The following NOVA1 variants were observed in gnomAD, a reference collection of about 807,000 sequenced individuals.
NOVA1 encodes the protein RNA-binding protein Nova-1.
Under a neutral mutation model 38.0 loss-of-function variants are expected in NOVA1, and 7 were observed. That is an observed-to-expected ratio of 0.18 (90% CI 0.10 to 0.35). The LOEUF (loss-of-function observed/expected upper bound fraction) is 0.35. Among genes scored for constraint, NOVA1 ranks in the 10% least tolerant of loss-of-function variants. The pLI is 1.00. For synonymous variants in NOVA1, 270 were observed against 232.5 expected (o/e 1.16, Z -1.47); for missense variants, 460 against 616.0 (o/e 0.75, Z 2.68).
chr14:26,465,043 CAAAAT>C (rs1273540766), intron 4 of NOVA1, among the ~76,000 whole-genome samples: 7 of 152,008 alleles, frequency 4.6e-5, no homozygotes. Flanking sequence ...ATAGACATAA[CAAAAT>C]AAATAAGTTC....
intron 4 of NOVA1, among the ~76,000 whole-genome samples, chr14:26,463,860 T>A (rs1020804755): frequency 6.6e-6 from 1 of 152,296 alleles, no homozygotes; most frequent in East Asian, 1.9e-4. Flanking sequence ...CCAGCACCAT[T>A]CATAAAATAA....
chr14:26,596,827 T>C, intron 1 of NOVA1: 1 of 1,125,556 alleles, frequency 8.9e-7, no homozygotes, highest in Non-Finnish European at 1.1e-6. Flanking sequence ...AGCAAGAGGA[T>C]GGAGAGAGGA....
At chr14:26,578,796 A>G (rs1893023326) in intron 2 of NOVA1, among the ~76,000 whole-genome samples, 1 of 152,094 alleles carries the variant, frequency 6.6e-6, no homozygotes, top group Non-Finnish European at 1.5e-5. Context: ...ACCACACCCT[A>G]ATATTAATAA....
chr14:26,498,717 C>T (rs1268852211), intron 2 of NOVA1, among the ~76,000 whole-genome samples: 2 of 152,070 alleles, frequency 1.3e-5, no homozygotes, highest in Non-Finnish European at 2.9e-5. Flanking sequence ...CACAAAGAGA[C>T]TTATTTCTGA....
chr14:26,470,711 T>A (rs1298547900), intron 4 of NOVA1, among the ~76,000 whole-genome samples: 2 of 152,084 alleles, frequency 1.3e-5, no homozygotes, highest in Non-Finnish European at 2.9e-5. Flanking sequence ...ATTCACAAGT[T>A]CATATAAGAA....
intron 4 of NOVA1, among the ~76,000 whole-genome samples, chr14:26,466,200 G>T (rs548059177): frequency 6.6e-6 from 1 of 152,310 alleles, no homozygotes; most frequent in African/African-American, 2.4e-5. Flanking sequence ...GCCAACATGA[G>T]TGAGGAGGCC....
chr14:26,469,214 C>T (rs1010449654), intron 4 of NOVA1, among the ~76,000 whole-genome samples: 1 of 152,084 alleles, frequency 6.6e-6, no homozygotes, highest in African/African-American at 2.4e-5. Flanking sequence ...GTTCTTATAA[C>T]GTTTCTTCTT....
intron 2 of NOVA1, among the ~76,000 whole-genome samples, chr14:26,549,079 C>T (rs1891004953): frequency 1.3e-5 from 2 of 152,180 alleles, no homozygotes; most frequent in South Asian, 4.1e-4. Context: ...ATCGCTTAAG[C>T]CCAAGAGGTT....
chr14:26,579,341 C>T (rs1299207711), intron 2 of NOVA1, among the ~76,000 whole-genome samples: 2 of 152,110 alleles, frequency 1.3e-5, no homozygotes, highest in African/African-American at 4.8e-5. Flanking sequence ...AGGCATGAGC[C>T]ATGGTGCCCA....
At chr14:26,510,490 A>C (rs1887985152) in intron 2 of NOVA1, among the ~76,000 whole-genome samples, 2 of 152,242 alleles carry the variant, frequency 1.3e-5, no homozygotes, top group Non-Finnish European at 2.9e-5. Flanking sequence ...GAAACTTAAA[A>C]GTTGCAAAGG....
intron 4 of NOVA1, among the ~76,000 whole-genome samples, chr14:26,451,171 C>CTA (rs1353554445): frequency 8.5e-5 from 13 of 152,048 alleles, no homozygotes; most frequent in Non-Finnish European, 4.4e-5. Context: ...TTAATTTCTA[C>CTA]TATATGGCAC....
At chr14:26,526,461 T>G (rs1889306482) in intron 2 of NOVA1, among the ~76,000 whole-genome samples, 1 of 152,176 alleles carries the variant, frequency 6.6e-6, no homozygotes, top group Non-Finnish European at 1.5e-5. Flanking sequence ...TCTTTTTAGA[T>G]GGAGAGATCT....
At chr14:26,521,537 T>C (rs1594457022) in intron 2 of NOVA1, among the ~76,000 whole-genome samples, 1 of 152,248 alleles carries the variant, frequency 6.6e-6, no homozygotes, top group African/African-American at 2.4e-5. Context: ...GCTTTTCCTT[T>C]TATAACAGAT....
chr14:26,595,443 T>C lies in NOVA1; in HGVS notation c.247A>G (p.Ile83Val), dbSNP rs1894128192. Residue 83 changes from isoleucine to valine, a missense_variant, in exon 2 of 5, where the codon ATC (isoleucine) becomes GTC (valine). Physicochemically the swap from Ile to Val is conservative, Grantham distance 29. Coordinates refer to ENST00000539517, the MANE Select transcript of NOVA1 (RefSeq NM_002515.3). ...AAATCTTTGGACTTAGACAGCTTGATGGTGGCTCCAGTTTCTTTTTGCAAC... is the reference window on the plus strand; with the variant it reads ...AAATCTTTGGACTTAGACAGCTTGACGGTGGCTCCAGTTTCTTTTTGCAAC... ...VQLQKETGAT[I>V]KLSKSKDFYP... The C allele has an allele frequency of 6.2e-7, 1 of 1,614,014 alleles. No individual in the cohort carries two copies. The highest frequency in any genetic ancestry group is 8.5e-7 in the Non-Finnish European group (1 of 1,179,916).
chr14:26,460,842 A>C (rs1365030418), intron 4 of NOVA1, among the ~76,000 whole-genome samples: 1 of 152,206 alleles, frequency 6.6e-6, no homozygotes, highest in African/African-American at 2.4e-5. Context: ...AAAATGTTTA[A>C]AATAAACTTG....
rs201355114 is a variant in NOVA1 at position 26,489,917 on chromosome 14, T to C, written c.281-9774A>G. Among the ~76,000 whole-genome samples, 15 of 152,280 alleles carry C rather than the reference T, an allele frequency of 9.9e-5. No individual in the cohort carries two copies. In the East Asian group the frequency reaches 2.7e-3, roughly 27 times the overall value. On this transcript the variant is annotated intron_variant, in intron 2 of 4. Coordinates refer to ENST00000539517, the MANE Select transcript of NOVA1 (RefSeq NM_002515.3). ...TCTTTAGGTGTACAATTCAGTGGTATTAATTAAATTCAAATGTTGTACATA... is the reference window on the plus strand; with the variant it reads ...TCTTTAGGTGTACAATTCAGTGGTACTAATTAAATTCAAATGTTGTACATA...
rs542791428 is a variant in NOVA1, at chr14:26,514,891, C to A, written c.281-34748G>T. Among the ~76,000 whole-genome samples, 3 of 151,918 alleles carry A rather than the reference C, an allele frequency of 2.0e-5. No individual in the cohort carries two copies. The East Asian group carries it at 5.8e-4, about 29-fold the overall frequency. ...TATTTGTCCTTACCTTCAAAGTAAA[C>A]CCACATCCCAATAGTATATTTCTTT... is the stretch of plus-strand genomic sequence containing the variant. On this transcript the variant is annotated intron_variant, in intron 2 of 4. Coordinates refer to ENST00000539517, the MANE Select transcript of NOVA1 (RefSeq NM_002515.3).
At chr14:26,547,402 T>G (rs2138625564) in intron 2 of NOVA1, among the ~76,000 whole-genome samples, 1 of 152,274 alleles carries the variant, frequency 6.6e-6, no homozygotes, top group South Asian at 2.1e-4. Context: ...TTCATTAAAT[T>G]CAATAATACA....
chr14:26,467,025 C>T (rs969680575), intron 4 of NOVA1, among the ~76,000 whole-genome samples: 1 of 152,140 alleles, frequency 6.6e-6, no homozygotes, highest in African/African-American at 2.4e-5. Context: ...GATAACAGTA[C>T]ATTTGTCCCA....
Sources: gnomAD v4.1 joint callset for allele counts (sites outside exome capture counted in the v4.1 genomes callset) on GRCh38, gnomAD v4.1.1 for gene constraint, MANE v1.5 for transcripts, NCBI Gene and HGNC (gene_info 2026-07-23, HGNC 2026-07-21) for gene names.